SYNDIG1L: variants seen among roughly 807,000 people sequenced by gnomAD.
SYNDIG1L encodes synapse differentiation inducing 1 like.
Under a neutral mutation model 20.1 loss-of-function variants are expected in SYNDIG1L, and 13 were observed. The observed-to-expected ratio is 0.65, with a 90% CI of 0.42 to 1.03. SYNDIG1L has a LOEUF of 1.03. Among genes scored for constraint, SYNDIG1L ranks in the 50% least tolerant of loss-of-function variants. The probability of loss-of-function intolerance (pLI) is 0.00; values close to 1 mark genes in which losing one functional copy is unlikely to be tolerated. For synonymous variants in SYNDIG1L, 128 were observed against 129.3 expected, an observed-to-expected ratio of 0.99 and a Z score of 0.07; for missense variants, 294 against 305.1, an observed-to-expected ratio of 0.96 and a Z score of 0.27.
At chr14:74,478,414 T>C in the SYNDIG1L span, among the ~76,000 whole-genome samples, 1 of 152,238 alleles carries the variant, frequency 6.6e-6, no homozygotes, top group Non-Finnish European at 1.5e-5. Flanking sequence ...AACTTAGATA[T>C]GTAAATTATT....
the SYNDIG1L span, among the ~76,000 whole-genome samples, chr14:74,434,757 C>G: frequency 1.3e-5 from 2 of 151,674 alleles, no homozygotes; most frequent in South Asian, 4.2e-4. Context: ...TTATAGAAAC[C>G]ATTTTCTTCA....
At chr14:74,464,231 C>T in the SYNDIG1L span, among the ~76,000 whole-genome samples, 7 of 152,196 alleles carry the variant, frequency 4.6e-5, no homozygotes, top group South Asian at 1.0e-3. Flanking sequence ...GGGGGAATAA[C>T]CTTGGCTAAG....
chr14:74,431,366 A>G, the SYNDIG1L span, among the ~76,000 whole-genome samples: 145 of 152,170 alleles, frequency 9.5e-4, no homozygotes, highest in African/African-American at 3.4e-3. Flanking sequence ...GGGTCTGGGG[A>G]GGCAGGGCTC....
chr14:74,449,184 G>T, the SYNDIG1L span, among the ~76,000 whole-genome samples: 6 of 151,268 alleles, frequency 4.0e-5, no homozygotes, highest in African/African-American at 1.5e-4. Context: ...AGGGAGTCAA[G>T]ATCACGCCAC....
In SYNDIG1L at chr14:74,407,445, G is replaced by A; in HGVS notation, c.*90C>T. 1.9e-6 allele frequency: 3 copies of A among 1,562,964 alleles called. No homozygotes were observed. The highest frequency in any genetic ancestry group is 2.6e-6 in the Non-Finnish European group (3 of 1,151,758). Reference sequence around the variant, plus strand: ...AGCCACTCTCACGGGATCATCTTCAGGGGCCGGGCCTTTCCATAGGGTCTG... The same window carrying A: ...AGCCACTCTCACGGGATCATCTTCAAGGGCCGGGCCTTTCCATAGGGTCTG... On this transcript the variant is annotated 3_prime_UTR_variant, in exon 4 of 4. Transcript: ENST00000331628.
At chr14:74,461,195 G>A in the SYNDIG1L span, among the ~76,000 whole-genome samples, 3 of 151,972 alleles carry the variant, frequency 2.0e-5, no homozygotes, top group East Asian at 3.9e-4. Context: ...TGATCTGCCC[G>A]CCTTGGCCTC....
At position 74,424,938 on chromosome 14, in the gene SYNDIG1L, T is replaced by C. The variant is rs576211681; in HGVS notation, c.-58+974A>G. On this transcript the variant is annotated intron_variant, in intron 1 of 3. Transcript: ENST00000331628. ...AGCTTAGGGAACTAGCTAAAGCCAG[T>C]AAATGCCAGCACCCAGCCAGGAACT... Among the ~76,000 whole-genome samples the C allele has an allele frequency of 2.0e-5, 3 of 152,234 alleles. No individual in the cohort carries two copies. The East Asian group carries it at 5.8e-4, about 29-fold the overall frequency.
the SYNDIG1L span, among the ~76,000 whole-genome samples, chr14:74,437,069 G>A: frequency 6.6e-6 from 1 of 152,100 alleles, no homozygotes; most frequent in African/African-American, 2.4e-5. Context: ...TCTATCCCTT[G>A]TACCTAGCTT....
upstream of SYNDIG1L, among the ~76,000 whole-genome samples, chr14:74,428,360 CAA>C (rs1283776017): frequency 6.6e-6 from 1 of 152,208 alleles, no homozygotes; most frequent in African/African-American, 2.4e-5. Flanking sequence ...TACAACCATG[CAA>C]AGTTTCCATT....
upstream of SYNDIG1L, among the ~76,000 whole-genome samples, chr14:74,427,385 G>A (rs903966087): frequency 6.6e-6 from 1 of 152,216 alleles, no homozygotes; most frequent in African/African-American, 2.4e-5. Flanking sequence ...ATCCAGCTGA[G>A]GATGCTATAG....
chr14:74,424,920 G>A (rs1377771664), intron 1 of SYNDIG1L, among the ~76,000 whole-genome samples: 1 of 152,118 alleles, frequency 6.6e-6, no homozygotes, highest in African/African-American at 2.4e-5. Context: ...AAGAGCTTAG[G>A]GAACTAGCTA....
At chr14:74,465,096 A>C in the SYNDIG1L span, among the ~76,000 whole-genome samples, 1 of 152,242 alleles carries the variant, frequency 6.6e-6, no homozygotes, top group African/African-American at 2.4e-5. Context: ...TTCAGGAGGC[A>C]TGGCCGACCC....
chr14:74,462,166 A>G, the SYNDIG1L span, among the ~76,000 whole-genome samples: 3 of 150,780 alleles, frequency 2.0e-5, no homozygotes, highest in Non-Finnish European at 4.4e-5. Context: ...GTATGCTAGC[A>G]TAAGTGTTCA....
At position 74,407,366 on chromosome 14, in the gene SYNDIG1L, C is replaced by A. The variant is rs1235335411; in HGVS notation, c.*169G>T. 1 of 952,020 alleles carries A rather than the reference C, an allele frequency of 1.1e-6. No individual in the cohort carries two copies. Among genetic ancestry groups the A allele is most frequent in the Non-Finnish European group, 1.5e-6 (1 of 652,264 alleles). The allele number at this position is 952,020 out of a possible 1,614,324, so 59.0% of individuals were successfully genotyped here. A position where few individuals can be genotyped will look rare whatever the true frequency, so the allele number is the denominator to read the frequency against. On this transcript the variant is annotated 3_prime_UTR_variant, in exon 4 of 4. Transcript: ENST00000331628. ...TCTGGGGCTGGGAGCAGCGGGCAAG[C>A]AGAAGTGAAGGCTGAGCTCTGCAGG...
the SYNDIG1L span, among the ~76,000 whole-genome samples, chr14:74,445,454 T>TTGTGTGTGTGTGTG: frequency 5.4e-5 from 8 of 147,868 alleles, no homozygotes; most frequent in African/African-American, 2.0e-4. Flanking sequence ...GTATTAAAAT[T>TTGTGTGTGTGTGTG]TGTGTGTGTG....
chr14:74,458,857 G>A, the SYNDIG1L span, among the ~76,000 whole-genome samples: 1 of 152,086 alleles, frequency 6.6e-6, no homozygotes, highest in African/African-American at 2.4e-5. Flanking sequence ...CTGGGTCTGG[G>A]GAGCTCTGTC....
the SYNDIG1L span, among the ~76,000 whole-genome samples, chr14:74,462,212 T>C: frequency 6.6e-6 from 1 of 151,516 alleles, no homozygotes; most frequent in African/African-American, 2.4e-5. Context: ...GGCCAGGCGC[T>C]GTGGCTCACT....
In SYNDIG1L at chr14:74,407,644, G is replaced by C. The variant is rs1442317188; in HGVS notation, c.608C>G (p.Ser203Cys). The change falls in exon 4 of 4, where the codon TCC (serine) becomes TGC (cysteine). Residue 203 changes from serine to cysteine, a missense_variant. Transcript: ENST00000331628. ...TGTGGCTAGGAAGAGGGCCCGGCGG[G>C]AGGTGGTGCTGGCCAGGCGGAAGTC... ...KGDFRLASTT[S>C]RRALFLATLA... 6.2e-7 allele frequency: 1 copy of C among 1,613,830 alleles called. No individual in the cohort carries two copies. The highest frequency in any genetic ancestry group is 8.5e-7 in the Non-Finnish European group (1 of 1,179,862).
the SYNDIG1L span, among the ~76,000 whole-genome samples, chr14:74,468,807 C>T: frequency 5.3e-5 from 8 of 152,202 alleles, no homozygotes; most frequent in Non-Finnish European, 7.3e-5. Context: ...CAAACCATCA[C>T]CTCACCCACC....
Sources: gnomAD v4.1 joint callset for allele counts (sites outside exome capture counted in the v4.1 genomes callset) on GRCh38, gnomAD v4.1.1 for gene constraint, MANE v1.5 for transcripts, NCBI Gene and HGNC (gene_info 2026-07-23, HGNC 2026-07-21) for gene names.